The following OLFM1 variants were observed in gnomAD, a reference collection of about 807,000 sequenced individuals.
OLFM1 encodes noelin.
Under a neutral mutation model 49.7 loss-of-function variants are expected in OLFM1, and 9 were observed. That is an observed-to-expected ratio of 0.18 (90% CI 0.11 to 0.32). The LOEUF is 0.32. Ranked by LOEUF, OLFM1 falls within the 10% of genes least tolerant of loss-of-function variation. The pLI, the probability that OLFM1 is intolerant of heterozygous loss-of-function variation, is 1.00. For missense variants in OLFM1, 369 were observed against 661.8 expected (o/e 0.56, Z 4.85); for synonymous variants, 240 against 271.8 (o/e 0.88, Z 1.15).
chr9:135,081,952 C>T (rs984158386), intron 1 of OLFM1, among the ~76,000 whole-genome samples: 2 of 152,166 alleles, frequency 1.3e-5, no homozygotes, highest in East Asian at 1.9e-4. Context: ...GAATCCGCTG[C>T]GTTCGAACTG....
At chr9:135,095,769 C>A in intron 2 of OLFM1, 95 bp from the exon 3 acceptor site, 1 of 1,338,228 alleles carries the variant, frequency 7.5e-7, no homozygotes, top group Non-Finnish European at 1.1e-6. Flanking sequence ...AGTGTGCTGG[C>A]TGTGTGGGAA....
chr9:135,111,967 G>A (rs375501210), intron 5 of OLFM1, among the ~76,000 whole-genome samples: 42 of 152,048 alleles, frequency 2.8e-4, no homozygotes, highest in African/African-American at 5.8e-4. Flanking sequence ...CACCTACATC[G>A]GCCTCCCAAA....
chr9:135,087,845 G>T lies in OLFM1; in HGVS notation c.-145G>T, dbSNP rs1168074203. 2 of 949,190 alleles carry T rather than the reference G, an allele frequency of 2.1e-6. No individual in the cohort carries two copies. Among genetic ancestry groups the T allele is most frequent in the African/African-American group, 3.6e-5 (2 of 55,916 alleles). 58.8% of individuals were successfully genotyped at this position (949,190 alleles called of 1,614,324 possible). A position where few individuals can be genotyped will look rare whatever the true frequency, so the allele number is the denominator to read the frequency against. ...GGCCGGGGCGCGCGGGGCGGCGGCG[G>T]CGGCGGGCGGGCGGCGGCGGGCCGA... On this transcript the variant is annotated 5_prime_UTR_variant, in exon 1 of 6. Transcript: ENST00000371793.
At chr9:135,079,316 C>T (rs565604928) in intron 1 of OLFM1, among the ~76,000 whole-genome samples, 7 of 152,106 alleles carry the variant, frequency 4.6e-5, no homozygotes, top group African/African-American at 1.4e-4. Context: ...CTAGTGAGCC[C>T]GGGGGAAAGA....
rs994354090 is a variant in OLFM1, at chr9:135,117,885, G to C, written c.784-1619G>C. Among the ~76,000 whole-genome samples the C allele has an allele frequency of 1.3e-5, 2 of 152,196 alleles. No individual in the cohort carries two copies. The highest frequency in any genetic ancestry group is 2.9e-5 in the Non-Finnish European group (2 of 68,038). On this transcript the variant is annotated intron_variant, in intron 5 of 5. Coordinates refer to ENST00000371793, the MANE Select transcript of OLFM1 (RefSeq NM_001282611.2). This position sits in a 1 kb window ranked among gnomAD's most constrained non-coding sequence, Gnocchi z 5.5. ...TCCCACTAGATCCTTTCTTCAAACTGTGTGTTCCCATCTCACCTTCCCACT... is the reference window on the plus strand; with the variant it reads ...TCCCACTAGATCCTTTCTTCAAACTCTGTGTTCCCATCTCACCTTCCCACT...
intron 4 of OLFM1, among the ~76,000 whole-genome samples, chr9:135,105,190 G>T (rs528606256): frequency 6.6e-6 from 1 of 152,232 alleles, no homozygotes; most frequent in Non-Finnish European, 1.5e-5. Flanking sequence ...TAGGAATGGG[G>T]AACTACGCAC....
chr9:135,118,416 T>C (rs1336054366), intron 5 of OLFM1, among the ~76,000 whole-genome samples: 1 of 148,646 alleles, frequency 6.7e-6, no homozygotes, highest in Non-Finnish European at 1.5e-5. Flanking sequence ...CGCTGTGTCT[T>C]TGGAGTGCTC....
chr9:135,082,088 C>G (rs1205930955), intron 1 of OLFM1, among the ~76,000 whole-genome samples: 1 of 152,264 alleles, frequency 6.6e-6, no homozygotes, highest in African/African-American at 2.4e-5. Flanking sequence ...TGTTAGCAGA[C>G]CTGCTCGCCC....
chr9:135,093,014 C>T (rs1830737105), intron 2 of OLFM1, among the ~76,000 whole-genome samples: 1 of 152,318 alleles, frequency 6.6e-6, no homozygotes, highest in South Asian at 2.1e-4. Context: ...AACCTCAGCC[C>T]ATGTGCCCTG....
In OLFM1 at chr9:135,098,106, A is replaced by C. The variant is rs1345985637; in HGVS notation, c.457-180A>C. The stretch of plus-strand genomic sequence containing the variant: ...CTGACAATAAAGACCTTTCCCAAAT[A>C]TGCTGGTGTTCTGAGGACTGTTTAA... On this transcript the variant is annotated intron_variant, in intron 3 of 5. Coordinates refer to ENST00000371793, the MANE Select transcript of OLFM1 (RefSeq NM_001282611.2). The surrounding 1 kb of genome is among the most constrained non-coding windows in gnomAD (Gnocchi z 5.6). The C allele has an allele frequency of 7.0e-7, 1 of 1,433,088 alleles. No individual in the cohort carries two copies. Among genetic ancestry groups the C allele is most frequent in the Non-Finnish European group, 9.1e-7 (1 of 1,100,456 alleles). The allele number at this position is 1,433,088 out of a possible 1,614,324, so 88.8% of individuals were successfully genotyped here.
At chr9:135,111,860 CCA>C (rs1831027642) in intron 5 of OLFM1, among the ~76,000 whole-genome samples, 1 of 150,012 alleles carries the variant, frequency 6.7e-6, no homozygotes, top group Non-Finnish European at 1.5e-5. Context: ...CAGGCGCATG[CCA>C]TCACTTCCGG....
chr9:135,093,419 A>G (rs1016106094), intron 2 of OLFM1, among the ~76,000 whole-genome samples: 6 of 152,198 alleles, frequency 3.9e-5, no homozygotes, highest in African/African-American at 7.2e-5. Flanking sequence ...TGGTCTCCCT[A>G]TGTGTAAAAT....
intron 1 of OLFM1, chr9:135,076,929 C>G (rs1749370586): frequency 7.1e-6 from 11 of 1,550,642 alleles, no homozygotes; most frequent in African/African-American, 5.5e-5. Context: ...CGCTGGCTCC[C>G]TGGCTCTGCC....
At chr9:135,094,643 C>T (rs1213087644) in intron 2 of OLFM1, among the ~76,000 whole-genome samples, 1 of 152,030 alleles carries the variant, frequency 6.6e-6, no homozygotes, top group Admixed American at 6.5e-5. Flanking sequence ...TTTCTGATAA[C>T]AAGATATGAA....
chr9:135,077,565 G>A (rs1295958460), intron 1 of OLFM1, among the ~76,000 whole-genome samples: 1 of 152,060 alleles, frequency 6.6e-6, no homozygotes, highest in East Asian at 1.9e-4. Context: ...TCACACCTTA[G>A]AGTCAGGGCC....
upstream of OLFM1, among the ~76,000 whole-genome samples, chr9:135,083,620 T>C (rs1470044577): frequency 6.6e-6 from 1 of 152,132 alleles, no homozygotes; most frequent in Non-Finnish European, 1.5e-5. Flanking sequence ...TCGGAGGAAG[T>C]TGAATCTCCT....
intron 4 of OLFM1, among the ~76,000 whole-genome samples, chr9:135,103,961 T>G (rs978738538): frequency 1.3e-5 from 2 of 152,172 alleles, no homozygotes; most frequent in African/African-American, 4.8e-5. Flanking sequence ...AGTGAAGCCT[T>G]CGACTTGGGA....
intron 5 of OLFM1, among the ~76,000 whole-genome samples, chr9:135,107,176 G>T (rs925208812): frequency 3.3e-5 from 5 of 150,124 alleles, no homozygotes; most frequent in Admixed American, 6.6e-5. Context: ...CTGGGCTGGT[G>T]CCCCAAGTCC....
chr9:135,091,016 G>A (rs1830678203), intron 2 of OLFM1, among the ~76,000 whole-genome samples: 1 of 152,206 alleles, frequency 6.6e-6, no homozygotes, highest in Admixed American at 6.5e-5. Context: ...ATGTGAAGTT[G>A]GTGAGATTTT....
Sources: allele counts gnomAD v4.1 joint callset (sites outside exome capture counted in the v4.1 genomes callset), GRCh38; gene constraint gnomAD v4.1.1; non-coding constraint Gnocchi (gnomAD v3.1); transcripts MANE v1.5; gene names NCBI Gene and HGNC (gene_info 2026-07-23, HGNC 2026-07-21).